RBM39: variants seen among roughly 807,000 people sequenced by gnomAD.
RBM39 encodes the protein RNA binding motif protein 39, also known as RNA-binding protein 39.
In RBM39, 12 loss-of-function variants were observed where a neutral mutation model predicts 79.6. That is an observed-to-expected ratio of 0.15 (90% CI 0.10 to 0.24). RBM39 has a LOEUF of 0.24. Among genes scored for constraint, RBM39 ranks in the 10% least tolerant of loss-of-function variants. The pLI is 1.00. For missense variants in RBM39, 243 were observed against 653.4 expected (o/e 0.37, Z 6.85); for synonymous variants, 185 against 208.4 (o/e 0.89, Z 0.97).
At chr20:35,713,545 G>C (rs1302986205) in intron 11 of RBM39, 1 of 152,138 alleles carries the variant, frequency 6.6e-6, no homozygotes, top group Non-Finnish European at 1.5e-5. Context: ...GGCTGGTCTC[G>C]AACTCCTGAA....
Position 35,718,641 on chromosome 20 carries a change from C to G in RBM39, c.826-1836G>C, listed in dbSNP as rs191915224. Among the ~76,000 whole-genome samples, 9 of 152,062 alleles carry G rather than the reference C, an allele frequency of 5.9e-5. No homozygotes were observed. In the East Asian group the frequency reaches 1.7e-3, roughly 29 times the overall value. On this transcript the variant is annotated intron_variant, in intron 9 of 16. Coordinates refer to ENST00000253363, the MANE Select transcript of RBM39 (RefSeq NM_184234.3). The stretch of plus-strand genomic sequence containing the variant: ...AGCCTGACCAACATGGAGAAAAACC[C>G]TGTCTCTACTAAAAATACAAAATTA...
rs769382062 is a variant in RBM39 at position 35,731,964 on chromosome 20, A to T, written c.273T>A (p.Phe91Leu). The T allele has an allele frequency of 6.2e-7, 1 of 1,614,078 alleles. No individual in the cohort carries two copies. The highest frequency in any genetic ancestry group is 2.2e-5 in the East Asian group (1 of 44,892). The change falls in exon 4 of 17, where the codon TTT becomes TTA. Residue 91 changes from phenylalanine to leucine, a missense_variant. Physicochemically the swap from Phe to Leu is conservative, Grantham distance 22. This residue lies in a region of RBM39 where 115 missense variants were observed against 184.1 expected (regional missense o/e 0.62). Coordinates refer to ENST00000253363, the MANE Select transcript of RBM39 (RefSeq NM_184234.3). ...ACTAAGGACTTCTGTAGCGGCCTCT[A>T]AATCTTCGATCTCGACTTCTTGAGC... ...RSRSRSRDRR[F>L]RGRYRSPYSG...
intron 12 of RBM39, among the ~76,000 whole-genome samples, chr20:35,709,868 T>C (rs575935199): frequency 7.2e-5 from 11 of 152,332 alleles, no homozygotes; most frequent in East Asian, 1.9e-4. Flanking sequence ...AACTTGATTA[T>C]TGATTTCCTG....
At chr20:35,738,160 A>G (rs372164025) in intron 3 of RBM39, among the ~76,000 whole-genome samples, 1 of 128,830 alleles carries the variant, frequency 7.8e-6, no homozygotes, top group African/African-American at 3.1e-5. Context: ...CATGTCAAAG[A>G]AAAAAAAAAA....
rs2035428262 is a variant in RBM39, at chr20:35,703,865, AGGG to A, written c.*613_*615del. On this transcript the variant is annotated 3_prime_UTR_variant, in exon 17 of 17. Coordinates refer to ENST00000253363, the MANE Select transcript of RBM39 (RefSeq NM_184234.3). ...ACGTTTAAACATCTTCAGGAAATGC[AGGG>A]ATCATTTTGTTTGGAATTTTAAGAC... The A allele has an allele frequency of 1.3e-5, 2 of 152,294 alleles. No individual in the cohort carries two copies. Among genetic ancestry groups the A allele is most frequent in the Non-Finnish European group, 2.9e-5 (2 of 68,042 alleles). The allele number at this position is 152,294 out of a possible 1,614,324, so 9.4% of individuals were successfully genotyped here. A position where few individuals can be genotyped will look rare whatever the true frequency, so the allele number is the denominator to read the frequency against.
chr20:35,709,266 A>G lies in RBM39; in HGVS notation c.1183T>C (p.Phe395Leu). 1 of 1,609,858 alleles carries G rather than the reference A, an allele frequency of 6.2e-7. No individual in the cohort carries two copies. The change falls in exon 13 of 17, where the codon TTT becomes CTT. Residue 395 changes from phenylalanine (F) to leucine (L), a missense_variant. Coordinates refer to ENST00000253363, the MANE Select transcript of RBM39 (RefSeq NM_184234.3). The part of the protein sequence containing the change: ...LAFGAVAEFS[F>L]VIDLQTRLSQ... ...AGTCTTGTTTGCAAATCTATAACAA[A>G]AGAGAATTCTACAGCTCAGTGCAGG...
At chr20:35,707,956 G>A (rs1447778002) in intron 13 of RBM39, 1 of 453,188 alleles carries the variant, frequency 2.2e-6, no homozygotes, top group African/African-American at 2.0e-5. Context: ...CATATTATCT[G>A]ACCAAATTTC....
In RBM39 at chr20:35,707,207, AAAAG is replaced by A. The variant is rs778123324; in HGVS notation, c.1226-10_1226-7del. 17 of 1,598,100 alleles carry A rather than the reference AAAAG, an allele frequency of 1.1e-5. No individual in the cohort carries two copies. The highest frequency in any genetic ancestry group is 4.0e-5 in the African/African-American group (3 of 74,452). On this transcript the variant is annotated splice_region_variant and splice_polypyrimidine_tract_variant and intron_variant, in intron 13 of 16. Transcript: ENST00000253363. ...AGCTGCAGCTAAAGCTGAAGCTAAA[AAAAG>A]AAAGAGAAAAATTAGTTTCATGGAA...
intron 12 of RBM39, among the ~76,000 whole-genome samples, chr20:35,712,432 A>AT (rs1457311546): frequency 9.3e-6 from 1 of 107,116 alleles, no homozygotes; most frequent in African/African-American, 3.9e-5. Context: ...GTCTACTGTT[A>AT]TCCAAAAAAA....
rs2035324672 is a variant in RBM39, at chr20:35,702,374, CAAGTTACT to C, written c.*2099_*2106del. 6.6e-6 allele frequency: 1 copy of C among 152,210 alleles called. No homozygotes were observed. The highest frequency in any genetic ancestry group is 6.5e-5 in the Admixed American group (1 of 15,280). The allele number at this position is 152,210 out of a possible 1,614,324, so 9.4% of individuals were successfully genotyped here. On this transcript the variant is annotated 3_prime_UTR_variant, in exon 17 of 17. Transcript: ENST00000253363. ...GCTGTTTTCTATGCACGACACTATT[CAAGTTACT>C]ACACTCCAACCACATTTCCTCTGAA...
intron 9 of RBM39, among the ~76,000 whole-genome samples, chr20:35,719,458 T>C (rs1459156082): frequency 6.6e-6 from 1 of 152,110 alleles, no homozygotes; most frequent in African/African-American, 2.4e-5. Context: ...TGACAACACT[T>C]TGGGACACCG....
intron 2 of RBM39, 192 bp from the exon 3 acceptor site, chr20:35,739,209 G>C (rs2040282520): frequency 1.6e-6 from 1 of 624,264 alleles, no homozygotes; most frequent in Admixed American, 3.0e-5. Context: ...TTACATTTAA[G>C]TCATCAAGAT....
intron 6 of RBM39, among the ~76,000 whole-genome samples, chr20:35,727,061 A>ATTGT (rs1294318410): frequency 2.0e-5 from 3 of 151,962 alleles, no homozygotes; most frequent in African/African-American, 7.2e-5. Flanking sequence ...TCCTGACCTT[A>ATTGT]TTGTTACAGG....
At chr20:35,711,822 G>A (rs2036454797) in intron 12 of RBM39, among the ~76,000 whole-genome samples, 1 of 152,116 alleles carries the variant, frequency 6.6e-6, no homozygotes, top group African/African-American at 2.4e-5. Flanking sequence ...TATCTTCTCA[G>A]TTACAGTCTC....
intron 3 of RBM39, chr20:35,734,101 A>C (rs2039658271): frequency 4.9e-6 from 3 of 611,462 alleles, no homozygotes; most frequent in Non-Finnish European, 7.3e-6. Flanking sequence ...GTTACATATC[A>C]CAAGAGCAAC....
intron 3 of RBM39, among the ~76,000 whole-genome samples, chr20:35,736,326 G>T (rs1231117807): frequency 6.6e-6 from 1 of 151,766 alleles, no homozygotes; most frequent in African/African-American, 2.4e-5. Context: ...GATTGGTGAG[G>T]AACTATAAAT....
intron 11 of RBM39, 70 bp downstream of exon 11, chr20:35,714,115 T>G: frequency 6.7e-7 from 1 of 1,485,252 alleles, no homozygotes; most frequent in Non-Finnish European, 9.3e-7. Context: ...CTTTCTTAGT[T>G]TACATGGCTA....
intron 6 of RBM39, among the ~76,000 whole-genome samples, chr20:35,727,497 T>C (rs905050567): frequency 6.6e-6 from 1 of 151,662 alleles, no homozygotes; most frequent in African/African-American, 2.4e-5. Flanking sequence ...TTTTTTTTTG[T>C]AGACAGTCTT....
intron 3 of RBM39, among the ~76,000 whole-genome samples, chr20:35,737,726 G>A (rs1455381134): frequency 6.6e-6 from 1 of 151,406 alleles, no homozygotes; most frequent in African/African-American, 2.4e-5. Context: ...GCAGGCGCCT[G>A]TAGTCCCTGC....
Sources: gnomAD v4.1 joint callset for allele counts (sites outside exome capture counted in the v4.1 genomes callset) on GRCh38, gnomAD v4.1.1 for gene constraint, gnomAD v4.1.1 regional missense constraint, MANE v1.5 for transcripts, NCBI Gene and HGNC (gene_info 2026-07-23, HGNC 2026-07-21) for gene names.